Variants in HMGCLL1 observed in about 807,000 individuals in gnomAD.
HMGCLL1 encodes 3-hydroxy-3-methylglutaryl-CoA lyase like 1.
HMGCLL1 carries 36 observed loss-of-function variants against 39.1 expected under a neutral mutation model. That is an observed-to-expected ratio of 0.92 (90% CI 0.71 to 1.22). HMGCLL1 has a LOEUF of 1.22. Ranked by LOEUF, HMGCLL1 falls within the 50% of genes most tolerant of loss-of-function variation. HMGCLL1 has a pLI of 0.00. For synonymous variants in HMGCLL1, 149 were observed against 144.0 expected, an observed-to-expected ratio of 1.03 and a Z score of -0.25; for missense variants, 451 against 416.5, an observed-to-expected ratio of 1.08 and a Z score of -0.72.
chr6:55,593,397 T>C, the HMGCLL1 span, among the ~76,000 whole-genome samples: 1 of 152,202 alleles, frequency 6.6e-6, no homozygotes, highest in African/African-American at 2.4e-5. Context: ...TTTTAACCTT[T>C]TACAAATAAC....
At chr6:55,527,836 T>C (rs1768405588) in intron 3 of HMGCLL1, among the ~76,000 whole-genome samples, 1 of 152,048 alleles carries the variant, frequency 6.6e-6, no homozygotes, top group South Asian at 2.1e-4. Context: ...ATCAACAAGA[T>C]AGTCAAGGAT....
the HMGCLL1 span, among the ~76,000 whole-genome samples, chr6:55,593,584 CTTGTTTTAAACG>C: frequency 2.0e-5 from 3 of 152,198 alleles, no homozygotes; most frequent in Non-Finnish European, 4.4e-5. Context: ...TGTGAATTAG[CTTGTTTTAAACG>C]TTGTTTTAAT....
upstream of HMGCLL1, among the ~76,000 whole-genome samples, chr6:55,583,742 G>A (rs1391027184): frequency 3.9e-5 from 6 of 152,088 alleles, no homozygotes; most frequent in Non-Finnish European, 8.8e-5. Context: ...ATGGGTTATT[G>A]AAATATTCCT....
intron 1 of HMGCLL1, among the ~76,000 whole-genome samples, chr6:55,557,612 G>A (rs982584607): frequency 3.3e-5 from 5 of 152,008 alleles, no homozygotes; most frequent in African/African-American, 1.2e-4. Context: ...TTTCATTTTA[G>A]AGACACCATA....
At chr6:55,642,846 A>C in the HMGCLL1 span, among the ~76,000 whole-genome samples, 2 of 151,910 alleles carry the variant, frequency 1.3e-5, no homozygotes, top group Non-Finnish European at 2.9e-5. Flanking sequence ...TTGTGTTAAT[A>C]TGTACTCATC....
At chr6:55,563,458 A>T (rs1771060398) in intron 1 of HMGCLL1, among the ~76,000 whole-genome samples, 2 of 152,128 alleles carry the variant, frequency 1.3e-5, no homozygotes, top group South Asian at 4.1e-4. Context: ...TGTTTTATTG[A>T]TTATGCATAA....
chr6:55,587,687 C>A, the HMGCLL1 span, among the ~76,000 whole-genome samples: 1 of 151,666 alleles, frequency 6.6e-6, no homozygotes, highest in Non-Finnish European at 1.5e-5. Context: ...CACATAGGCT[C>A]AAAATAAAGG....
chr6:55,516,512 TG>T lies in HMGCLL1; in HGVS notation c.388del (p.His130MetfsTer46). On this transcript the variant is annotated frameshift_variant, in exon 4 of 9. Coordinates refer to ENST00000274901, the MANE Select transcript of HMGCLL1 (RefSeq NM_001042406.2). LOFTEE classifies it high-confidence loss of function. ...VLTPNLQGFH[H>X]AVAAGATEIS... ...AGATATTAGTAGCACACTTACAGCA[TG>T]GTGAAAACCCTGAAGATTAGGAGTA... is the stretch of plus-strand genomic sequence containing the variant. The T allele has an allele frequency of 6.3e-7, 1 of 1,587,828 alleles. No individual in the cohort carries two copies. Among genetic ancestry groups the T allele is most frequent in the Non-Finnish European group, 8.6e-7 (1 of 1,160,568 alleles).
intron 7 of HMGCLL1, among the ~76,000 whole-genome samples, chr6:55,462,882 C>A (rs987221054): frequency 7.9e-5 from 12 of 151,996 alleles, no homozygotes; most frequent in African/African-American, 2.7e-4. Context: ...GACTCCATCA[C>A]AATTAAAAAC....
the HMGCLL1 span, among the ~76,000 whole-genome samples, chr6:55,617,702 T>C: frequency 6.6e-6 from 1 of 152,098 alleles, no homozygotes. Context: ...GTACCACCAC[T>C]TTGGAAAGTG....
chr6:55,491,890 C>T (rs1384313376), intron 7 of HMGCLL1, among the ~76,000 whole-genome samples: 1 of 151,646 alleles, frequency 6.6e-6, no homozygotes, highest in Non-Finnish European at 1.5e-5. Context: ...GAATTCCATA[C>T]AACAATCTCT....
chr6:55,597,292 A>G, the HMGCLL1 span, among the ~76,000 whole-genome samples: 3 of 152,106 alleles, frequency 2.0e-5, no homozygotes, highest in African/African-American at 7.2e-5. Context: ...AAAGATTATA[A>G]ATGGAATGCC....
the HMGCLL1 span, among the ~76,000 whole-genome samples, chr6:55,611,053 A>G: frequency 6.6e-6 from 1 of 152,186 alleles, no homozygotes; most frequent in Non-Finnish European, 1.5e-5. Context: ...AAATAATAAC[A>G]AACAGTCTCT....
intron 7 of HMGCLL1, among the ~76,000 whole-genome samples, chr6:55,474,055 G>C (rs1345690026): frequency 6.6e-6 from 1 of 151,222 alleles, no homozygotes; most frequent in Non-Finnish European, 1.5e-5. Context: ...TCTTTGTTTT[G>C]TTGCAGTTTG....
the HMGCLL1 span, among the ~76,000 whole-genome samples, chr6:55,623,656 T>C: frequency 1.3e-5 from 2 of 149,442 alleles, no homozygotes; most frequent in Non-Finnish European, 3.0e-5. Context: ...ACACAAATAA[T>C]ATATATACAC....
chr6:55,524,541 T>C (rs1768212406), intron 3 of HMGCLL1, among the ~76,000 whole-genome samples: 1 of 150,080 alleles, frequency 6.7e-6, no homozygotes, highest in Admixed American at 6.7e-5. Context: ...TGGCCATATA[T>C]CTCCTAGTGA....
At chr6:55,444,895 G>A (rs1763747951) in intron 7 of HMGCLL1, among the ~76,000 whole-genome samples, 1 of 151,904 alleles carries the variant, frequency 6.6e-6, no homozygotes, top group African/African-American at 2.4e-5. Flanking sequence ...ACATACTCTG[G>A]CGAAGGCAGA....
intron 7 of HMGCLL1, among the ~76,000 whole-genome samples, chr6:55,446,017 T>C (rs952152734): frequency 9.2e-5 from 14 of 151,894 alleles, no homozygotes; most frequent in Non-Finnish European, 1.8e-4. Context: ...ATTCAGCATA[T>C]TTGTATTTTT....
chr6:55,499,587 C>T (rs185121138), intron 5 of HMGCLL1, among the ~76,000 whole-genome samples: 1 of 152,120 alleles, frequency 6.6e-6, no homozygotes, highest in African/African-American at 2.4e-5. Flanking sequence ...CAACATATAA[C>T]ATTCAAAGCA....
Sources: allele counts gnomAD v4.1 joint callset (sites outside exome capture counted in the v4.1 genomes callset), GRCh38; gene constraint gnomAD v4.1.1; transcripts MANE v1.5; gene names NCBI Gene and HGNC (gene_info 2026-07-23, HGNC 2026-07-21).